Variants in RBM20 observed in about 807,000 individuals in gnomAD.
RBM20 encodes RNA binding motif protein 20, also known as RNA-binding protein 20.
In RBM20, 51 loss-of-function variants were observed where a neutral mutation model predicts 110.1. The ratio of observed to expected loss-of-function variants is 0.46; its 90% CI spans 0.37 to 0.59. The LOEUF is 0.59. Among genes scored for constraint, RBM20 ranks in the 20% least tolerant of loss-of-function variants. RBM20 has a pLI of 0.00. For synonymous variants in RBM20, 589 were observed against 618.2 expected (o/e 0.95, Z 0.70); for missense variants, 1,512 against 1,574.9 (o/e 0.96, Z 0.68).
chr10:110,795,060 A>G lies in RBM20; in HGVS notation c.1528-2448A>G, dbSNP rs377267060. Among the ~76,000 whole-genome samples the G allele has an allele frequency of 3.9e-5, 6 of 152,348 alleles. No homozygotes were observed. The East Asian group carries it at 1.2e-3, about 29-fold the overall frequency. On this transcript the variant is annotated intron_variant, in intron 5 of 13. Coordinates refer to ENST00000369519, the MANE Select transcript of RBM20 (RefSeq NM_001134363.3). ...CCATTGTCCAAGCACACATTAGCAC[A>G]GGCCAACCACAGCAAAGTCACATGG...
chr10:110,673,567 G>C (rs1343892169), intron 1 of RBM20, among the ~76,000 whole-genome samples: 1 of 152,206 alleles, frequency 6.6e-6, no homozygotes, highest in African/African-American at 2.4e-5. Context: ...CTGTGCTTAA[G>C]TGTTTATTTC....
chr10:110,713,480 A>G (rs1862969783), intron 1 of RBM20, among the ~76,000 whole-genome samples: 1 of 152,218 alleles, frequency 6.6e-6, no homozygotes, highest in Admixed American at 6.5e-5. Context: ...GGGAACAAAG[A>G]TGAGGCCCTA....
chr10:110,824,410 G>A (rs1354751753), intron 12 of RBM20, among the ~76,000 whole-genome samples: 1 of 152,164 alleles, frequency 6.6e-6, no homozygotes, highest in Non-Finnish European at 1.5e-5. Flanking sequence ...TGTGTTTGGG[G>A]CAGACTACCC....
intron 1 of RBM20, among the ~76,000 whole-genome samples, chr10:110,664,666 G>A (rs11594694): frequency 0.38 from 58,096 of 151,908 alleles, 12,039 homozygotes; most frequent in Middle Eastern, 0.48. Flanking sequence ...AGAATCGCTT[G>A]AACCTGGGAG....
At chr10:110,678,706 A>G (rs1419013928) in intron 1 of RBM20, among the ~76,000 whole-genome samples, 1 of 152,198 alleles carries the variant, frequency 6.6e-6, no homozygotes, top group Non-Finnish European at 1.5e-5. Flanking sequence ...TGACCTTGAA[A>G]GATTTTTCTA....
At chr10:110,691,397 C>T (rs1373479128) in intron 1 of RBM20, among the ~76,000 whole-genome samples, 3 of 152,188 alleles carry the variant, frequency 2.0e-5, no homozygotes, top group African/African-American at 4.8e-5. Context: ...TTCCCACCAG[C>T]AATGCAAGAG....
chr10:110,790,797 C>T (rs559202694), intron 5 of RBM20, among the ~76,000 whole-genome samples: 18 of 152,166 alleles, frequency 1.2e-4, no homozygotes, highest in Non-Finnish European at 1.9e-4. Flanking sequence ...ATCAAGTCTG[C>T]GATTGATAGG....
chr10:110,785,055 C>T (rs1472277890), intron 5 of RBM20, among the ~76,000 whole-genome samples, 166 bp downstream of exon 5: 2 of 152,192 alleles, frequency 1.3e-5, no homozygotes, highest in African/African-American at 2.4e-5. Flanking sequence ...CTCGGTCAAC[C>T]AAAGTGCTGG....
At chr10:110,749,283 A>T (rs540404743) in intron 1 of RBM20, among the ~76,000 whole-genome samples, 1 of 152,352 alleles carries the variant, frequency 6.6e-6, no homozygotes, top group Admixed American at 6.5e-5. Flanking sequence ...CTTTTATTAT[A>T]TGTAATACTT....
At chr10:110,763,858 G>A (rs938894189) in intron 1 of RBM20, among the ~76,000 whole-genome samples, 1 of 151,478 alleles carries the variant, frequency 6.6e-6, no homozygotes, top group Non-Finnish European at 1.5e-5. Flanking sequence ...GATATCTTGG[G>A]CCAAATAATT....
At chr10:110,705,927 CA>C (rs935724246) in intron 1 of RBM20, among the ~76,000 whole-genome samples, 1 of 151,888 alleles carries the variant, frequency 6.6e-6, no homozygotes, top group African/African-American at 2.4e-5. Flanking sequence ...ACTAAAAATA[CA>C]AAAATTGGCC....
chr10:110,719,495 G>A (rs1019913898), intron 1 of RBM20, among the ~76,000 whole-genome samples: 2 of 151,884 alleles, frequency 1.3e-5, no homozygotes, highest in Non-Finnish European at 2.9e-5. Context: ...ATTGCTTTTG[G>A]TTTTGTTTAT....
intron 1 of RBM20, among the ~76,000 whole-genome samples, chr10:110,742,891 T>C (rs1843737993): frequency 6.6e-6 from 1 of 152,218 alleles, no homozygotes; most frequent in Non-Finnish European, 1.5e-5. Context: ...TTCAACAGTG[T>C]GCCTCACCTC....
chr10:110,800,871 T>C (rs1181134912), intron 7 of RBM20, among the ~76,000 whole-genome samples: 2 of 152,236 alleles, frequency 1.3e-5, no homozygotes, highest in Non-Finnish European at 2.9e-5. Flanking sequence ...ATTTTCATTG[T>C]TATATACATT....
intron 9 of RBM20, 79 bp from the exon 10 acceptor site, chr10:110,819,993 C>A: frequency 1.2e-6 from 1 of 844,970 alleles, no homozygotes; most frequent in Non-Finnish European, 1.8e-6. Flanking sequence ...CTGGGACCTG[C>A]ATTCAATATC....
chr10:110,650,597 G>A (rs1861932106), intron 1 of RBM20, among the ~76,000 whole-genome samples: 1 of 150,396 alleles, frequency 6.6e-6, no homozygotes, highest in Non-Finnish European at 1.5e-5. Context: ...CTTTAAGGCT[G>A]TACCAGGGCC....
At position 110,818,250 on chromosome 10, in the gene RBM20, C is replaced by T. The variant is rs556564884; in HGVS notation, c.2551-1822C>T. Among the ~76,000 whole-genome samples the T allele has an allele frequency of 3.7e-5, 5 of 134,694 alleles. 1 individual carries two copies. In the South Asian group the frequency reaches 1.2e-3, roughly 33 times the overall value. 88.4% of individuals were successfully genotyped at this position (134,694 alleles called of 152,430 possible). A position where few individuals can be genotyped will look rare whatever the true frequency, so the allele number is the denominator to read the frequency against. On this transcript the variant is annotated intron_variant, in intron 9 of 13. Coordinates refer to ENST00000369519, the MANE Select transcript of RBM20 (RefSeq NM_001134363.3). ...AGATTGCGGTGAGCCGAGATCATGC[C>T]ATTGCACTCCAGCCTGGGCAACAAG...
chr10:110,807,965 G>A (rs1209340491), intron 7 of RBM20, among the ~76,000 whole-genome samples: 2 of 152,366 alleles, frequency 1.3e-5, no homozygotes, highest in East Asian at 1.9e-4. Flanking sequence ...TCATGTCATG[G>A]TCTTGGTCCT....
At chr10:110,654,825 T>C (rs1009832472) in intron 1 of RBM20, among the ~76,000 whole-genome samples, 5 of 152,214 alleles carry the variant, frequency 3.3e-5, no homozygotes, top group African/African-American at 1.2e-4. Flanking sequence ...GCATCAGTGT[T>C]CTTATCTGTT....
Sources: allele counts gnomAD v4.1 joint callset (sites outside exome capture counted in the v4.1 genomes callset), GRCh38; gene constraint gnomAD v4.1.1; transcripts MANE v1.5; gene names NCBI Gene and HGNC (gene_info 2026-07-23, HGNC 2026-07-21).